The following ARHGEF9 variants were observed in gnomAD, a reference collection of about 807,000 sequenced individuals.
ARHGEF9 encodes the protein Cdc42 guanine nucleotide exchange factor 9, also known as rho guanine nucleotide exchange factor 9.
In ARHGEF9, 2 loss-of-function variants were observed where a neutral mutation model predicts 41.3. The observed-to-expected ratio is 0.05, with a 90% CI of 0.02 to 0.15. The LOEUF is 0.15. Ranked by LOEUF, ARHGEF9 falls within the 10% of genes least tolerant of loss-of-function variation. ARHGEF9 has a pLI of 1.00. For synonymous variants in ARHGEF9, 160 were observed against 154.4 expected (o/e 1.04, Z -0.27); for missense variants, 225 against 424.7 (o/e 0.53, Z 4.13).
At chrX:63,723,139 T>C (rs2053737285) in intron 2 of ARHGEF9, among the ~76,000 whole-genome samples, 1 of 111,481 alleles carries the variant, frequency 9.0e-6, no homozygotes, top group Non-Finnish European at 1.9e-5. Flanking sequence ...ATAATTATGA[T>C]GATAATCATA....
At chrX:63,682,416 G>A (rs375651622) in intron 4 of ARHGEF9, among the ~76,000 whole-genome samples, 2 of 109,862 alleles carry the variant, frequency 1.8e-5, no homozygotes, top group African/African-American at 3.3e-5. Flanking sequence ...TTGGGAGGCC[G>A]AGGCAGGAGA....
At chrX:63,649,002 G>A (rs1468507481) in intron 8 of ARHGEF9, among the ~76,000 whole-genome samples, 4 of 110,773 alleles carry the variant, frequency 3.6e-5, no homozygotes, top group African/African-American at 1.3e-4. Flanking sequence ...AATAATAATG[G>A]GAGACTTTAA....
rs190174813 is a variant in ARHGEF9, at chrX:63,711,146, T to C, written c.211-4697A>G. Among the ~76,000 whole-genome samples, 5 of 111,763 alleles carry C rather than the reference T, an allele frequency of 4.5e-5. No homozygotes were observed. The East Asian group carries it at 1.1e-3, about 25-fold the overall frequency. ...ATACAATGAAAACTGCAAAGCATTA[T>C]TGAAAGAAAGTAAAGAAGAACTATA... On this transcript the variant is annotated intron_variant, in intron 2 of 9. Transcript: ENST00000671741.
intron 1 of ARHGEF9, among the ~76,000 whole-genome samples, chrX:63,768,734 T>C (rs1556452979): frequency 1.8e-5 from 2 of 111,837 alleles, no homozygotes; most frequent in Non-Finnish European, 3.8e-5. Flanking sequence ...TGAGTTCTCA[T>C]GACAGCTGAT....
chrX:63,680,254 G>T (rs1431070078), intron 4 of ARHGEF9, among the ~76,000 whole-genome samples: 1 of 112,238 alleles, frequency 8.9e-6, no homozygotes, highest in Non-Finnish European at 1.9e-5. Context: ...CACTTAAGAA[G>T]CCACAGCAAT....
chrX:63,732,391 C>T (rs1440191257), intron 1 of ARHGEF9: 2 of 110,702 alleles, frequency 1.8e-5, no homozygotes, highest in South Asian at 3.9e-4. Context: ...AATCTTCTGG[C>T]CCTGCTATTT....
intron 1 of ARHGEF9, among the ~76,000 whole-genome samples, chrX:63,763,572 C>T (rs1423268233): frequency 9.2e-6 from 1 of 108,460 alleles, no homozygotes; most frequent in Non-Finnish European, 1.9e-5. Context: ...TACTGAGATC[C>T]AACCTTAGTT....
At chrX:63,745,793 C>T (rs1556432932) in intron 1 of ARHGEF9, among the ~76,000 whole-genome samples, 1 of 111,491 alleles carries the variant, frequency 9.0e-6, no homozygotes, top group African/African-American at 3.3e-5. Flanking sequence ...GCTCTATCTC[C>T]CCAAGCACTA....
chrX:63,705,941 G>T (rs2052515365), intron 3 of ARHGEF9, among the ~76,000 whole-genome samples: 1 of 111,389 alleles, frequency 9.0e-6, no homozygotes, highest in South Asian at 3.9e-4. Flanking sequence ...GCTGTAACTG[G>T]ATCAGATACC....
intron 6 of ARHGEF9, among the ~76,000 whole-genome samples, chrX:63,673,445 AG>A (rs2050078964): frequency 9.0e-6 from 1 of 111,455 alleles, no homozygotes; most frequent in Admixed American, 9.6e-5. Context: ...TAGGAAGGGA[AG>A]GTCTTTCAGA....
chrX:63,691,636 G>A (rs186797518), intron 4 of ARHGEF9, among the ~76,000 whole-genome samples: 5 of 110,515 alleles, frequency 4.5e-5, no homozygotes, highest in Middle Eastern at 4.3e-3. Context: ...ACTACCAAAA[G>A]CAATCTACAG....
At chrX:63,681,994 C>A (rs1467877122) in intron 4 of ARHGEF9, among the ~76,000 whole-genome samples, 1 of 109,967 alleles carries the variant, frequency 9.1e-6, no homozygotes, top group Admixed American at 9.7e-5. Context: ...AATAGAGAGC[C>A]TGAACATTAA....
At chrX:63,763,749 A>C (rs1602733155) in intron 1 of ARHGEF9, among the ~76,000 whole-genome samples, 1 of 111,649 alleles carries the variant, frequency 9.0e-6, no homozygotes, top group Admixed American at 9.6e-5. Context: ...CATTTACAAA[A>C]CAGGGGTAGG....
At chrX:63,745,794 C>G (rs1298305408) in intron 1 of ARHGEF9, among the ~76,000 whole-genome samples, 2 of 111,604 alleles carry the variant, frequency 1.8e-5, no homozygotes, top group African/African-American at 6.5e-5. Flanking sequence ...CTCTATCTCC[C>G]CAAGCACTAT....
chrX:63,750,274 C>T (rs2055541410), intron 1 of ARHGEF9, among the ~76,000 whole-genome samples: 1 of 110,882 alleles, frequency 9.0e-6, no homozygotes, highest in African/African-American at 3.3e-5. Context: ...CCTCTGGTTG[C>T]TCTCAATCTG....
intron 2 of ARHGEF9, among the ~76,000 whole-genome samples, chrX:63,715,425 T>G (rs1569486215): frequency 1.8e-5 from 2 of 110,879 alleles, no homozygotes; most frequent in Non-Finnish European, 3.8e-5. Context: ...CTTGCAATTA[T>G]TTGACAGACA....
intron 2 of ARHGEF9, among the ~76,000 whole-genome samples, chrX:63,713,978 A>T (rs1326664834): frequency 8.9e-6 from 1 of 112,001 alleles, no homozygotes; most frequent in Admixed American, 9.4e-5. Flanking sequence ...CAGCACCAAC[A>T]CAATGAGAAA....
At position 63,655,677 on chromosome X, in the gene ARHGEF9, C is replaced by T. The variant is rs1556334942; in HGVS notation, c.1138G>A (p.Val380Ile). The change falls in exon 8 of 10, where the codon GTA becomes ATA. Residue 380 changes from valine to isoleucine, a missense_variant. Val to Ile is a conservative substitution (Grantham distance 29). This residue lies in a region of ARHGEF9 where 75 missense variants were observed against 113.2 expected (regional missense o/e 0.66). Coordinates refer to ENST00000671741, the MANE Select transcript of ARHGEF9 (RefSeq NM_001353921.2). ...TCTCTGCCATCCTCAATGTCAACTACCTCATATTTATCCATGTCAATGCGG... is the reference window on the plus strand; with the variant it reads ...TCTCTGCCATCCTCAATGTCAACTATCTCATATTTATCCATGTCAATGCGG... ...KGRIDMDKYE[V>I]VDIEDGRDDD... 4 of 1,208,638 alleles carry T rather than the reference C, an allele frequency of 3.3e-6. No homozygotes were observed. In the South Asian group the frequency reaches 7.0e-5, roughly 21 times the overall value.
chrX:63,647,504 A>G (rs1385919632), intron 8 of ARHGEF9, among the ~76,000 whole-genome samples: 14 of 111,560 alleles, frequency 1.3e-4, no homozygotes, highest in Non-Finnish European at 2.5e-4. Flanking sequence ...GGTTTTTGTC[A>G]TTGGTTCTGT....
Sources: gnomAD v4.1 joint callset for allele counts (sites outside exome capture counted in the v4.1 genomes callset) on GRCh38, gnomAD v4.1.1 for gene constraint, gnomAD v4.1.1 regional missense constraint, MANE v1.5 for transcripts, NCBI Gene and HGNC (gene_info 2026-07-23, HGNC 2026-07-21) for gene names.